The following XKR4 variants were observed in gnomAD, a reference collection of about 807,000 sequenced individuals.
XKR4 encodes XK-related protein 4.
A neutral mutation model predicts 53.9 loss-of-function variants in XKR4; 12 were observed. The observed-to-expected ratio is 0.22, with a 90% CI of 0.14 to 0.36. XKR4 has a LOEUF of 0.36. Among genes scored for constraint, XKR4 ranks in the 10% least tolerant of loss-of-function variants. The pLI, the probability that XKR4 is intolerant of heterozygous loss-of-function variation, is 1.00. For synonymous variants in XKR4, 354 were observed against 362.4 expected (o/e 0.98, Z 0.26); for missense variants, 799 against 859.5 (o/e 0.93, Z 0.88).
intron 1 of XKR4, among the ~76,000 whole-genome samples, chr8:55,300,646 AG>A (rs899336678): frequency 6.6e-6 from 1 of 152,096 alleles, no homozygotes; most frequent in Non-Finnish European, 1.5e-5. Flanking sequence ...CACAAGGGGG[AG>A]GAGCAAGCAT....
At chr8:55,320,409 C>G (rs1803188400) in intron 1 of XKR4, among the ~76,000 whole-genome samples, 1 of 152,172 alleles carries the variant, frequency 6.6e-6, no homozygotes, top group Non-Finnish European at 1.5e-5. Context: ...TAAATTAACT[C>G]ACTCATCACC....
chr8:55,258,753 C>T (rs996364545), intron 1 of XKR4, among the ~76,000 whole-genome samples: 1 of 152,158 alleles, frequency 6.6e-6, no homozygotes, highest in African/African-American at 2.4e-5. Context: ...AGGATTAAAT[C>T]TGCACTCCCG....
intron 1 of XKR4, among the ~76,000 whole-genome samples, chr8:55,210,361 G>C (rs1012856247): frequency 6.6e-6 from 1 of 152,088 alleles, no homozygotes; most frequent in East Asian, 1.9e-4. Flanking sequence ...TGGAATTACA[G>C]GCATGAACCA....
chr8:55,448,313 G>A (rs529686000), intron 2 of XKR4, among the ~76,000 whole-genome samples: 12 of 152,124 alleles, frequency 7.9e-5, no homozygotes, highest in Non-Finnish European at 1.8e-4. Context: ...AACAAGATGC[G>A]GTGTGCACAA....
chr8:55,331,487 T>C (rs1361607700), intron 1 of XKR4, among the ~76,000 whole-genome samples: 1 of 152,160 alleles, frequency 6.6e-6, no homozygotes, highest in Non-Finnish European at 1.5e-5. Context: ...ATTGTTCAAA[T>C]CTTCTATTTC....
chr8:55,323,982 G>T (rs966901559), intron 1 of XKR4, among the ~76,000 whole-genome samples: 1 of 151,730 alleles, frequency 6.6e-6, no homozygotes, highest in African/African-American at 2.4e-5. Context: ...TGCTAGGAAT[G>T]TCAACCTTTT....
At chr8:55,464,832 T>C (rs989244300) in intron 2 of XKR4, among the ~76,000 whole-genome samples, 3 of 152,178 alleles carry the variant, frequency 2.0e-5, no homozygotes, top group Non-Finnish European at 4.4e-5. Context: ...AGCATTCTTA[T>C]ACACCAAAAA....
At chr8:55,312,056 T>G (rs1169979045) in intron 1 of XKR4, among the ~76,000 whole-genome samples, 1 of 152,102 alleles carries the variant, frequency 6.6e-6, no homozygotes, top group African/African-American at 2.4e-5. Context: ...ATGAGGATAA[T>G]TATTCTAAAA....
At chr8:55,140,338 C>T (rs1366024084) in intron 1 of XKR4, 9 of 216,510 alleles carry the variant, frequency 4.2e-5, no homozygotes, top group Admixed American at 4.1e-4. Context: ...TGGGTCCATT[C>T]GTTTGTTCAC....
intron 1 of XKR4, among the ~76,000 whole-genome samples, chr8:55,206,915 C>A (rs944608427): frequency 6.6e-6 from 1 of 152,176 alleles, no homozygotes; most frequent in African/African-American, 2.4e-5. Context: ...GAATTGGAAA[C>A]CCTCTCATTC....
intron 1 of XKR4, among the ~76,000 whole-genome samples, chr8:55,326,314 T>A (rs1400994718): frequency 6.6e-6 from 1 of 152,150 alleles, no homozygotes; most frequent in Non-Finnish European, 1.5e-5. Context: ...AAATTCTAGT[T>A]CTCACAATAA....
chr8:55,138,347 G>A (rs1816659124), intron 1 of XKR4, among the ~76,000 whole-genome samples: 1 of 152,150 alleles, frequency 6.6e-6, no homozygotes, highest in Admixed American at 6.5e-5. Flanking sequence ...CTCCAATAAC[G>A]AAACCAAGAG....
chr8:55,376,170 A>G (rs1476117456), intron 2 of XKR4, among the ~76,000 whole-genome samples: 1 of 152,160 alleles, frequency 6.6e-6, no homozygotes, highest in Non-Finnish European at 1.5e-5. Context: ...TGCTATTGTG[A>G]ATAGTCCTGC....
chr8:55,379,480 C>T (rs779686228), intron 2 of XKR4, among the ~76,000 whole-genome samples: 3 of 152,218 alleles, frequency 2.0e-5, no homozygotes, highest in Non-Finnish European at 4.4e-5. Context: ...GCATTCAACG[C>T]GTTTTTGCAG....
chr8:55,303,735 T>C (rs2051582379), intron 1 of XKR4, among the ~76,000 whole-genome samples: 1 of 152,226 alleles, frequency 6.6e-6, no homozygotes, highest in Non-Finnish European at 1.5e-5. Flanking sequence ...GGAGGGTGTA[T>C]GTGTCGAGGA....
intron 1 of XKR4, among the ~76,000 whole-genome samples, chr8:55,339,441 C>T (rs1419365543): frequency 2.6e-5 from 4 of 152,164 alleles, no homozygotes; most frequent in African/African-American, 9.7e-5. Context: ...ATTTCCTTTG[C>T]CTGATCATGC....
intron 2 of XKR4, among the ~76,000 whole-genome samples, chr8:55,474,430 T>C (rs1219523108): frequency 6.6e-6 from 1 of 152,150 alleles, no homozygotes; most frequent in Admixed American, 6.5e-5. Context: ...GTATACACAC[T>C]GTGCACACAC....
chr8:55,126,683 A>T (rs1468448024), intron 1 of XKR4, among the ~76,000 whole-genome samples: 5 of 152,212 alleles, frequency 3.3e-5, no homozygotes, highest in Admixed American at 3.3e-4. Context: ...TAGCTACTTC[A>T]CTGCTGAAAA....
At chr8:55,211,120 A>T (rs1366970605) in intron 1 of XKR4, among the ~76,000 whole-genome samples, 1 of 152,148 alleles carries the variant, frequency 6.6e-6, no homozygotes, top group Non-Finnish European at 1.5e-5. Flanking sequence ...AATTTAACCA[A>T]GGACCCACCT....
Sources: gnomAD v4.1 joint callset for allele counts (sites outside exome capture counted in the v4.1 genomes callset) on GRCh38, gnomAD v4.1.1 for gene constraint, MANE v1.5 for transcripts, NCBI Gene and HGNC (gene_info 2026-07-23, HGNC 2026-07-21) for gene names.